ALPK1: variants seen among roughly 807,000 people sequenced by gnomAD.
ALPK1 encodes alpha-protein kinase 1.
Under a neutral mutation model 120.6 loss-of-function variants are expected in ALPK1, and 110 were observed. The ratio of observed to expected loss-of-function variants is 0.91; its 90% CI spans 0.78 to 1.07. The LOEUF is 1.07. ALPK1 is among the 50% of genes least tolerant of loss of function. The pLI is 0.00. For synonymous variants in ALPK1, 582 were observed against 560.3 expected, an observed-to-expected ratio of 1.04 and a Z score of -0.55; for missense variants, 1,498 against 1,483.9, an observed-to-expected ratio of 1.01 and a Z score of -0.16.
chr4:112,334,432 C>CAAA (rs34230609), intron 2 of ALPK1, among the ~76,000 whole-genome samples: 22 of 120,772 alleles, frequency 1.8e-4, no homozygotes, highest in Admixed American at 1.4e-3. Context: ...GACTCTGCCT[C>CAAA]AAAAAAAAAA....
In ALPK1 at chr4:112,432,163, T is replaced by C. The variant is rs758848048; in HGVS notation, c.2616T>C (p.His872=). The C allele has an allele frequency of 6.2e-7, 1 of 1,614,180 alleles. No homozygotes were observed. Among genetic ancestry groups the C allele is most frequent in the Admixed American group, 1.7e-5 (1 of 60,022 alleles). ...DVPCTNGHGS[H]RLCILRQPPG... ...CCTGCACAAATGGGCACGGCTCTCA[T>C]AGACTGTGCATTCTGAGACAGCCGC... Residue 872 remains histidine (H), a synonymous_variant, in exon 11 of 16, where the codon CAT becomes CAC. Coordinates refer to ENST00000650871, the MANE Select transcript of ALPK1 (RefSeq NM_025144.4).
intron 2 of ALPK1, chr4:112,358,045 C>T: frequency 1.7e-6 from 1 of 595,512 alleles, no homozygotes; most frequent in Non-Finnish European, 3.2e-6. Context: ...GTAGTGTGAT[C>T]ATCACGGGCC....
intron 2 of ALPK1, among the ~76,000 whole-genome samples, chr4:112,368,678 G>T (rs1282823394): frequency 6.6e-6 from 1 of 152,152 alleles, no homozygotes; most frequent in Non-Finnish European, 1.5e-5. Context: ...TTAGCTAGAG[G>T]TGTTATGGAC....
Position 112,341,326 on chromosome 4 carries a change from C to T in ALPK1, c.-101+25474C>T, listed in dbSNP as rs77464921. 5.4e-3 allele frequency among the ~76,000 whole-genome samples: 825 copies of T among 152,300 alleles called. 8 individuals are homozygous for T. The highest frequency in any genetic ancestry group is 0.019 in the African/African-American group (777 of 41,554). On this transcript the variant is annotated intron_variant, in intron 2 of 15. Coordinates refer to ENST00000650871, the MANE Select transcript of ALPK1 (RefSeq NM_025144.4). Reference sequence around the variant, plus strand: ...CAAACAGCAAGCCCACTCTGCTGCTCGTTAGGCCTTGCCTTCCTGACAATT... The same window carrying T: ...CAAACAGCAAGCCCACTCTGCTGCTTGTTAGGCCTTGCCTTCCTGACAATT...
intron 2 of ALPK1, chr4:112,358,515 C>T: frequency 1.5e-6 from 1 of 678,182 alleles, no homozygotes. Flanking sequence ...TCACCAGCTG[C>T]TGGGGACCCG....
chr4:112,426,435 G>T, intron 7 of ALPK1, 32 bp from the exon 8 acceptor site: 2 of 1,566,694 alleles, frequency 1.3e-6, no homozygotes, highest in Non-Finnish European at 1.7e-6. Flanking sequence ...TTCCTCCCCT[G>T]TCCCTCTCCC....
intron 1 of ALPK1, among the ~76,000 whole-genome samples, chr4:112,314,949 C>G (rs1371762781): frequency 7.0e-6 from 1 of 143,116 alleles, no homozygotes; most frequent in Non-Finnish European, 1.5e-5. Context: ...GGCCTGATCT[C>G]GGCTCACTGC....
Position 112,412,014 on chromosome 4 carries a change from C to G in ALPK1, c.464C>G (p.Ser155Cys). 6.2e-7 allele frequency: 1 copy of G among 1,614,042 alleles called. No individual in the cohort carries two copies. The highest frequency in any genetic ancestry group is 8.5e-7 in the Non-Finnish European group (1 of 1,180,032). ...GTGGTTATTCGCCAAGCCCGAATCT[C>G]CGTGAACTCAGGTATGCTCCCTCCT... ...PQVVIRQARI[S>C]VNSGKLLKAE... is the part of the protein sequence containing the mutation. Residue 155 changes from serine (S) to cysteine (C), a missense_variant, in exon 5 of 16, where the codon TCC (serine) becomes TGC (cysteine). Coordinates refer to ENST00000650871, the MANE Select transcript of ALPK1 (RefSeq NM_025144.4).
intron 2 of ALPK1, among the ~76,000 whole-genome samples, chr4:112,350,655 C>G (rs114137159): frequency 6.6e-6 from 1 of 152,138 alleles, no homozygotes; most frequent in East Asian, 1.9e-4. Flanking sequence ...AGTGATCATG[C>G]GTTTTCAGGA....
At chr4:112,323,756 T>A (rs144708498) in intron 2 of ALPK1, among the ~76,000 whole-genome samples, 71 of 152,380 alleles carry the variant, frequency 4.7e-4, no homozygotes, top group Non-Finnish European at 7.3e-4. Flanking sequence ...TGTCAGAGTC[T>A]GTAATTTGCT....
intron 2 of ALPK1, among the ~76,000 whole-genome samples, chr4:112,365,525 A>G (rs964520689): frequency 6.6e-6 from 1 of 152,226 alleles, no homozygotes; most frequent in African/African-American, 2.4e-5. Flanking sequence ...ATCTGCAAAG[A>G]AAACTACAAA....
At chr4:112,382,290 T>TC in intron 3 of ALPK1, 108 bp from the exon 4 acceptor site, 2 of 44,796 alleles carry the variant, frequency 4.5e-5, no homozygotes, top group Middle Eastern at 9.3e-3. Flanking sequence ...GGTTTTTCTC[T>TC]TTTTTTTTTT....
chr4:112,382,102 A>T (rs1232053102), intron 3 of ALPK1, among the ~76,000 whole-genome samples: 2 of 152,130 alleles, frequency 1.3e-5, no homozygotes, highest in African/African-American at 4.8e-5. Context: ...CTGATTCTTC[A>T]TGCAGAGATA....
At chr4:112,418,165 G>A (rs763105874) in intron 5 of ALPK1, among the ~76,000 whole-genome samples, 4 of 152,174 alleles carry the variant, frequency 2.6e-5, no homozygotes, top group African/African-American at 7.2e-5. Context: ...CGCACACCAC[G>A]GCTGAGATCA....
At chr4:112,313,404 C>T (rs1728493837) in intron 1 of ALPK1, among the ~76,000 whole-genome samples, 1 of 152,082 alleles carries the variant, frequency 6.6e-6, no homozygotes, top group Non-Finnish European at 1.5e-5. Flanking sequence ...GTTTTTGGCA[C>T]ATCAACTAAG....
intron 1 of ALPK1, among the ~76,000 whole-genome samples, chr4:112,300,009 A>G (rs1342634260): frequency 2.0e-5 from 3 of 152,136 alleles, no homozygotes; most frequent in African/African-American, 7.2e-5. Flanking sequence ...CAATAATTTC[A>G]TTTCTGGGAA....
chr4:112,420,382 C>G lies in ALPK1; in HGVS notation c.476-3562C>G, dbSNP rs1014893016. On this transcript the variant is annotated intron_variant, in intron 5 of 15. Coordinates refer to ENST00000650871, the MANE Select transcript of ALPK1 (RefSeq NM_025144.4). ...TCTGGCTACAACAATACACATCCCT[C>G]TCATGTGCAAAATACACTCATTCCT... 2.6e-5 allele frequency among the ~76,000 whole-genome samples: 4 copies of G among 152,328 alleles called. No individual in the cohort carries two copies. In the East Asian group the frequency reaches 7.7e-4, roughly 29 times the overall value.
At chr4:112,387,108 C>A (rs955358299) in intron 4 of ALPK1, among the ~76,000 whole-genome samples, 1 of 152,126 alleles carries the variant, frequency 6.6e-6, no homozygotes, top group Admixed American at 6.6e-5. Flanking sequence ...TGGGCCATGG[C>A]GGTGGAGTGC....
chr4:112,380,935 G>A (rs142924666), intron 3 of ALPK1, among the ~76,000 whole-genome samples: 1 of 152,318 alleles, frequency 6.6e-6, no homozygotes, highest in Non-Finnish European at 1.5e-5. Context: ...CAATTCCACT[G>A]TGAGGTCACG....
Sources: allele counts gnomAD v4.1 joint callset (sites outside exome capture counted in the v4.1 genomes callset), GRCh38; gene constraint gnomAD v4.1.1; transcripts MANE v1.5; gene names NCBI Gene and HGNC (gene_info 2026-07-23, HGNC 2026-07-21).